The following MED12L variants were observed in gnomAD, a reference collection of about 807,000 sequenced individuals.
The protein encoded by MED12L is mediator of RNA polymerase II transcription subunit 12-like protein.
MED12L carries 60 observed loss-of-function variants against 281.3 expected under a neutral mutation model. The observed-to-expected ratio is 0.21, with a 90% CI of 0.17 to 0.26. The LOEUF (loss-of-function observed/expected upper bound fraction) is 0.26, where lower values mean the gene tolerates loss of function less well. MED12L is among the 10% of genes least tolerant of loss of function. The pLI, the probability that MED12L is intolerant of heterozygous loss-of-function variation, is 1.00. For synonymous variants in MED12L, 974 were observed against 987.2 expected (o/e 0.99, Z 0.25); for missense variants, 2,146 against 2,680.9 (o/e 0.80, Z 4.41).
chr3:151,213,431 A>G lies in MED12L; in HGVS notation c.2250+19765A>G, dbSNP rs1427603736. On this transcript the variant is annotated intron_variant, in intron 16 of 44. Transcript: ENST00000687756. ...TCCCTAAACGGCTGGCATAGAAAGAAATAAATAATAGGGTCCAAGCATACA... is the reference window on the plus strand; with the variant it reads ...TCCCTAAACGGCTGGCATAGAAAGAGATAAATAATAGGGTCCAAGCATACA... 1.9e-6 allele frequency: 3 copies of G among 1,614,088 alleles called. No individual in the cohort carries two copies. Among genetic ancestry groups the G allele is most frequent in the Non-Finnish European group, 2.5e-6 (3 of 1,180,022 alleles).
intron 7 of MED12L, 73 bp downstream of exon 7, chr3:151,158,872 G>A (rs2148949001): frequency 1.0e-6 from 1 of 998,378 alleles, no homozygotes; most frequent in Non-Finnish European, 1.6e-6. Flanking sequence ...GATTAGGTAA[G>A]TGGAAGAGGA....
intron 16 of MED12L, among the ~76,000 whole-genome samples, chr3:151,289,388 T>C (rs1743957327): frequency 6.6e-6 from 1 of 152,196 alleles, no homozygotes; most frequent in South Asian, 2.1e-4. Context: ...AAAAAGATAC[T>C]CACTCTGTAT....
rs147695554 is a variant in MED12L, at chr3:151,372,688, C to T, written c.3786C>T (p.Ser1262=). ...GGACTGCCTCACAAAATCCAAAATC[C>T]TGTGGGAAAAGCATTTCCATAGAAA... ...DIWTASQNPK[S]CGKSISIETA... Residue 1262 remains serine, a synonymous_variant, in exon 27 of 45, where the codon TCC becomes TCT. Transcript: ENST00000687756. 1.3e-3 allele frequency: 2,099 copies of T among 1,613,918 alleles called. 5 individuals are homozygous for T. Among genetic ancestry groups the T allele is most frequent in the Non-Finnish European group, 1.4e-3 (1,594 of 1,179,864 alleles).
At chr3:151,399,386 G>T (rs1460099640) in intron 39 of MED12L, among the ~76,000 whole-genome samples, 1 of 152,132 alleles carries the variant, frequency 6.6e-6, no homozygotes, top group Non-Finnish European at 1.5e-5. Context: ...TAAAATAAAA[G>T]CATATCAAAT....
At chr3:151,355,357 C>A in intron 18 of MED12L, 118 bp downstream of exon 18, 2 of 644,248 alleles carry the variant, frequency 3.1e-6, no homozygotes, top group Non-Finnish European at 5.4e-6. Flanking sequence ...TATAAACATA[C>A]TTGGAAGTAT....
rs5853515 is a variant in MED12L, at chr3:151,318,361, CTT to C, written c.2251-31686_2251-31685del. Among the ~76,000 whole-genome samples, 381 of 144,678 alleles carry C rather than the reference CTT, an allele frequency of 2.6e-3. 1 individual carries two copies. Among genetic ancestry groups the C allele is most frequent in the African/African-American group, 4.7e-3 (184 of 39,480 alleles). 94.9% of individuals were successfully genotyped at this position (144,678 alleles called of 152,430 possible). A position where few individuals can be genotyped will look rare whatever the true frequency, so the allele number is the denominator to read the frequency against. On this transcript the variant is annotated intron_variant, in intron 16 of 44. Transcript: ENST00000687756. ...TGAAGCCAGTTTCTTTTCTTTTCTT[CTT>C]TTTTTTTTTTTGAAACCAGTTTGTT...
chr3:151,428,700 C>G (rs1216244010), intron 43 of MED12L, among the ~76,000 whole-genome samples: 3 of 152,166 alleles, frequency 2.0e-5, no homozygotes, highest in African/African-American at 7.2e-5. Context: ...TGGTAATGCC[C>G]TCTAAATAGA....
At chr3:151,136,150 A>G (rs1716110057) in intron 5 of MED12L, among the ~76,000 whole-genome samples, 1 of 152,206 alleles carries the variant, frequency 6.6e-6, no homozygotes, top group African/African-American at 2.4e-5. Flanking sequence ...CTCCCAAAAT[A>G]CAAAGAATAA....
At chr3:151,225,444 G>A (rs1256348217) in intron 16 of MED12L, among the ~76,000 whole-genome samples, 4 of 152,196 alleles carry the variant, frequency 2.6e-5, no homozygotes, top group Non-Finnish European at 5.9e-5. Context: ...AAGTGAGCAT[G>A]TGAGACCAAG....
intron 19 of MED12L, 54 bp downstream of exon 19, chr3:151,356,093 T>C: frequency 1.3e-6 from 2 of 1,561,698 alleles, no homozygotes; most frequent in Non-Finnish European, 1.7e-6. Context: ...CCACCAGGCA[T>C]TGTGCAATTT....
chr3:151,139,344 T>A (rs1178616759), intron 5 of MED12L, among the ~76,000 whole-genome samples: 2 of 152,188 alleles, frequency 1.3e-5, no homozygotes, highest in African/African-American at 4.8e-5. Context: ...AAACCAAGAG[T>A]TGAGCACAAA....
chr3:151,338,093 A>T, intron 16 of MED12L: 1 of 1,613,976 alleles, frequency 6.2e-7, no homozygotes, highest in Non-Finnish European at 8.5e-7. Context: ...CAAAATGGAA[A>T]GGAACAAAAC....
At chr3:151,115,637 G>A (rs1319908165) in intron 2 of MED12L, among the ~76,000 whole-genome samples, 2 of 151,444 alleles carry the variant, frequency 1.3e-5, no homozygotes, top group African/African-American at 2.4e-5. Flanking sequence ...ATGAGCCACC[G>A]CGCCCGGCCT....
At chr3:151,291,045 G>A (rs985585645) in intron 16 of MED12L, among the ~76,000 whole-genome samples, 3 of 151,830 alleles carry the variant, frequency 2.0e-5, no homozygotes, top group Non-Finnish European at 2.9e-5. Context: ...TTTATATGGC[G>A]TGTGCTTAGT....
intron 16 of MED12L, among the ~76,000 whole-genome samples, chr3:151,344,383 C>T (rs752781959): frequency 1.1e-3 from 169 of 151,990 alleles, no homozygotes; most frequent in Non-Finnish European, 1.3e-3. Flanking sequence ...CTCCCAGGCT[C>T]GAAGCTTATT....
At chr3:151,329,020 A>C in intron 16 of MED12L, 1 of 1,554,512 alleles carries the variant, frequency 6.4e-7, no homozygotes, top group Non-Finnish European at 8.7e-7. Context: ...GTTACCAATA[A>C]ACATATATAC....
At chr3:151,127,761 A>T in intron 4 of MED12L, 64 bp from the exon 5 acceptor site, 1 of 1,150,760 alleles carries the variant, frequency 8.7e-7, no homozygotes, top group Non-Finnish European at 1.2e-6. Context: ...CCCTTTATTT[A>T]GGTTTATCTA....
chr3:151,097,035 C>T (rs1720806672), intron 2 of MED12L, among the ~76,000 whole-genome samples: 2 of 152,174 alleles, frequency 1.3e-5, no homozygotes, highest in African/African-American at 4.8e-5. Context: ...GCATTTTTGT[C>T]ATTGTGTTTT....
chr3:151,387,092 G>A (rs553866078), intron 36 of MED12L, among the ~76,000 whole-genome samples: 4 of 152,296 alleles, frequency 2.6e-5, no homozygotes, highest in Admixed American at 1.3e-4. Flanking sequence ...GGGAATGACT[G>A]AGTAGTTATT....
Sources: gnomAD v4.1 joint callset for allele counts (sites outside exome capture counted in the v4.1 genomes callset) on GRCh38, gnomAD v4.1.1 for gene constraint, MANE v1.5 for transcripts, NCBI Gene and HGNC (gene_info 2026-07-23, HGNC 2026-07-21) for gene names.